FHIT: variants seen among roughly 807,000 people sequenced by gnomAD.
FHIT encodes the protein fragile histidine triad diadenosine triphosphatase, also known as bis(5'-adenosyl)-triphosphatase.
FHIT carries 19 observed loss-of-function variants against 17.9 expected under a neutral mutation model. The observed-to-expected ratio is 1.06, with a 90% CI of 0.74 to 1.56. The LOEUF (loss-of-function observed/expected upper bound fraction) is 1.56, where lower values mean the gene tolerates loss of function less well. Ranked by LOEUF, FHIT falls within the 40% of genes most tolerant of loss-of-function variation. FHIT has a pLI of 0.00. For synonymous variants in FHIT, 81 were observed against 69.7 expected (o/e 1.16, Z -0.81); for missense variants, 248 against 189.2 (o/e 1.31, Z -1.82).
At chr3:60,350,738 A>C (rs73107040) in intron 5 of FHIT, among the ~76,000 whole-genome samples, 23,264 of 152,020 alleles carry the variant, frequency 0.15, 1,870 homozygotes, top group African/African-American at 0.17. Flanking sequence ...GAACAGGTAA[A>C]CTCCATGATC....
At chr3:59,865,915 C>T (rs1174579076) in intron 8 of FHIT, among the ~76,000 whole-genome samples, 1 of 152,142 alleles carries the variant, frequency 6.6e-6, no homozygotes, top group African/African-American at 2.4e-5. Flanking sequence ...GGATCCAGTG[C>T]CTTCTCCATC....
chr3:59,823,766 C>T (rs1382290127), intron 8 of FHIT, among the ~76,000 whole-genome samples: 1 of 152,150 alleles, frequency 6.6e-6, no homozygotes. Flanking sequence ...AAGTTGAAAG[C>T]ATTCCCTCTG....
chr3:60,422,059 A>G (rs1462601821), intron 5 of FHIT, among the ~76,000 whole-genome samples: 1 of 152,140 alleles, frequency 6.6e-6, no homozygotes, highest in Non-Finnish European at 1.5e-5. Context: ...GACATCTTAA[A>G]TGCCTCTGCA....
chr3:61,236,356 C>G (rs1265408246), intron 1 of FHIT, among the ~76,000 whole-genome samples: 1 of 151,616 alleles, frequency 6.6e-6, no homozygotes, highest in African/African-American at 2.4e-5. Flanking sequence ...GCTCTAGATG[C>G]CTTCCCAGTG....
At chr3:60,489,539 T>C (rs2033977678) in intron 5 of FHIT, among the ~76,000 whole-genome samples, 2 of 152,300 alleles carry the variant, frequency 1.3e-5, no homozygotes, top group African/African-American at 2.4e-5. Flanking sequence ...TGACCCTGCA[T>C]ACATTAAAGC....
Position 60,519,238 on chromosome 3 carries a change from GAAAGGTTTAAA to G in FHIT, c.103+17611_103+17621del, listed in dbSNP as rs530129219. Among the ~76,000 whole-genome samples the G allele has an allele frequency of 1.9e-3, 296 of 152,246 alleles. 3 individuals carry two copies. Among genetic ancestry groups the G allele is most frequent in the Middle Eastern group, 6.8e-3 (2 of 294 alleles). The stretch of plus-strand genomic sequence containing the variant: ...ATTCTTATGATTAGAAAAAATAAAT[GAAAGGTTTAAA>G]AATGGGTTACACTTGATATAAACTA... On this transcript the variant is annotated intron_variant, in intron 5 of 9. Transcript: ENST00000492590.
intron 4 of FHIT, among the ~76,000 whole-genome samples, chr3:60,556,941 G>A (rs372280906): frequency 1.1e-4 from 16 of 152,316 alleles, no homozygotes; most frequent in Admixed American, 6.5e-4. Flanking sequence ...GGAGGTCAAC[G>A]TTTACATATG....
At chr3:60,229,601 A>G (rs1704392276) in intron 5 of FHIT, among the ~76,000 whole-genome samples, 1 of 152,190 alleles carries the variant, frequency 6.6e-6, no homozygotes, top group Non-Finnish European at 1.5e-5. Context: ...CTGTCTTTAG[A>G]AGGGGACTTT....
Position 61,138,173 on chromosome 3 carries a change from A to T in FHIT, c.-164+62444T>A, listed in dbSNP as rs992795980. 1.3e-4 allele frequency among the ~76,000 whole-genome samples: 20 copies of T among 152,340 alleles called. No individual in the cohort carries two copies. The South Asian group carries it at 3.3e-3, about 25-fold the overall frequency. ...CTTCCCACTGCTCCCAAGTTTACAC[A>T]TCTACCTAGTCTATCTACAAATATG... On this transcript the variant is annotated intron_variant, in intron 2 of 9. Transcript: ENST00000492590.
chr3:60,790,288 C>A (rs1700730034), intron 4 of FHIT, among the ~76,000 whole-genome samples: 1 of 152,150 alleles, frequency 6.6e-6, no homozygotes, highest in African/African-American at 2.4e-5. Flanking sequence ...GAAGGAAGGA[C>A]AAGTCTAGAT....
At chr3:61,202,061 C>T (rs1287254113) in intron 1 of FHIT, among the ~76,000 whole-genome samples, 3 of 141,568 alleles carry the variant, frequency 2.1e-5, no homozygotes, top group African/African-American at 7.9e-5. Context: ...TATACACGCA[C>T]ATAGATACAC....
At chr3:60,406,140 G>A (rs1033834433) in intron 5 of FHIT, among the ~76,000 whole-genome samples, 4 of 152,152 alleles carry the variant, frequency 2.6e-5, no homozygotes, top group Non-Finnish European at 4.4e-5. Flanking sequence ...TATTATATAT[G>A]CTCCACCACT....
At chr3:59,898,431 C>A (rs899050864) in intron 8 of FHIT, among the ~76,000 whole-genome samples, 5 of 142,208 alleles carry the variant, frequency 3.5e-5, no homozygotes, top group African/African-American at 1.4e-4. Context: ...TATATGTGTG[C>A]GTGTGTATGT....
intron 5 of FHIT, among the ~76,000 whole-genome samples, chr3:60,080,108 C>A (rs1052572533): frequency 6.6e-6 from 1 of 152,032 alleles, no homozygotes; most frequent in Admixed American, 6.6e-5. Context: ...CATTACTTGA[C>A]AGTCAAAATG....
At chr3:60,790,590 A>G (rs1700741192) in intron 4 of FHIT, among the ~76,000 whole-genome samples, 1 of 152,190 alleles carries the variant, frequency 6.6e-6, no homozygotes, top group Admixed American at 6.5e-5. Context: ...CGAAACTTCC[A>G]TAGGATCAAA....
chr3:60,614,954 C>T (rs545559428), intron 4 of FHIT, among the ~76,000 whole-genome samples: 16 of 151,474 alleles, frequency 1.1e-4, no homozygotes, highest in East Asian at 7.8e-4. Flanking sequence ...CTCAGTCTCC[C>T]GGGTAGCTGG....
intron 5 of FHIT, among the ~76,000 whole-genome samples, chr3:60,424,449 A>G (rs1702588202): frequency 6.6e-6 from 1 of 152,196 alleles, no homozygotes; most frequent in Non-Finnish European, 1.5e-5. Flanking sequence ...AGAGCTTACA[A>G]AGCTAAAGTC....
At chr3:60,567,570 T>C (rs1490650419) in intron 4 of FHIT, among the ~76,000 whole-genome samples, 47 of 151,856 alleles carry the variant, frequency 3.1e-4, no homozygotes, top group African/African-American at 1.9e-4. Flanking sequence ...TCCAAAACAC[T>C]AAAAGCAATG....
chr3:60,024,714 C>CT (rs1700674369), intron 5 of FHIT, among the ~76,000 whole-genome samples: 1 of 152,140 alleles, frequency 6.6e-6, no homozygotes, highest in South Asian at 2.1e-4. Flanking sequence ...AGGGCAAGAC[C>CT]GTAACAAGCC....
Sources: gnomAD v4.1 joint callset for allele counts (sites outside exome capture counted in the v4.1 genomes callset) on GRCh38, gnomAD v4.1.1 for gene constraint, MANE v1.5 for transcripts, NCBI Gene and HGNC (gene_info 2026-07-23, HGNC 2026-07-21) for gene names.